CCDC63: variants seen among roughly 807,000 people sequenced by gnomAD.
CCDC63 encodes coiled-coil domain containing 63, also known as coiled-coil domain-containing protein 63.
CCDC63 carries 54 observed loss-of-function variants against 63.6 expected under a neutral mutation model. The ratio of observed to expected loss-of-function variants is 0.85; its 90% CI spans 0.68 to 1.07. The LOEUF (loss-of-function observed/expected upper bound fraction) is 1.07, where lower values mean the gene tolerates loss of function less well. Ranked by LOEUF, CCDC63 falls within the 50% of genes least tolerant of loss-of-function variation. CCDC63 has a pLI of 0.00. For missense variants in CCDC63, 637 were observed against 689.6 expected, an observed-to-expected ratio of 0.92 and a Z score of 0.86; for synonymous variants, 253 against 266.1, an observed-to-expected ratio of 0.95 and a Z score of 0.48.
rs561128154 is a variant in CCDC63, at chr12:110,886,912, C to T, written c.1074+2662C>T. On this transcript the variant is annotated intron_variant, in intron 8 of 11. Coordinates refer to ENST00000308208, the MANE Select transcript of CCDC63 (RefSeq NM_152591.3). ...TCTTCCCCAGAAATGACCTTGACCT[C>T]ACATTCACCTTGAGGCTGCTCTCAT... Among the ~76,000 whole-genome samples, 3 of 152,292 alleles carry T rather than the reference C, an allele frequency of 2.0e-5. No individual in the cohort carries two copies. In the South Asian group the frequency reaches 6.2e-4, roughly 32 times the overall value.
intron 4 of CCDC63, among the ~76,000 whole-genome samples, chr12:110,869,716 G>A (rs2071038723): frequency 6.6e-6 from 1 of 151,998 alleles, no homozygotes; most frequent in Admixed American, 6.6e-5. Context: ...GCATTACGAG[G>A]GTATAGAGAG....
At chr12:110,859,844 G>A (rs1175631832) in intron 4 of CCDC63, among the ~76,000 whole-genome samples, 3 of 152,078 alleles carry the variant, frequency 2.0e-5, no homozygotes, top group Admixed American at 1.3e-4. Flanking sequence ...AAGGCCCTGC[G>A]TGATCTAGCC....
At position 110,875,577 on chromosome 12, in the gene CCDC63, G is replaced by A. The variant is rs551998548; in HGVS notation, c.489+1616G>A. The stretch of plus-strand genomic sequence containing the variant: ...TCTATTCAGATGTTCTATTCTTCTC[G>A]AGTCAATTTCAGTAGTTTATGTCTT... On this transcript the variant is annotated intron_variant, in intron 5 of 11. Transcript: ENST00000308208. 5.9e-5 allele frequency among the ~76,000 whole-genome samples: 9 copies of A among 151,974 alleles called. No homozygotes were observed. In the South Asian group the frequency reaches 1.7e-3, roughly 28 times the overall value.
intron 6 of CCDC63, 91 bp downstream of exon 6, chr12:110,880,178 C>T (rs550095423): frequency 4.5e-6 from 5 of 1,113,788 alleles, no homozygotes; most frequent in Middle Eastern, 3.0e-4. Context: ...TGTCCCTGGT[C>T]GTTATGTGTT....
chr12:110,862,115 A>G (rs549021488), intron 4 of CCDC63, among the ~76,000 whole-genome samples: 21 of 152,322 alleles, frequency 1.4e-4, no homozygotes, highest in African/African-American at 5.1e-4. Context: ...GAATGAATAA[A>G]TGACTGAAAG....
chr12:110,865,027 A>G (rs986750829), intron 4 of CCDC63, among the ~76,000 whole-genome samples: 2 of 152,198 alleles, frequency 1.3e-5, no homozygotes, highest in African/African-American at 4.8e-5. Flanking sequence ...TTTAGGAATG[A>G]GAAGACTTTT....
intron 2 of CCDC63, 132 bp from the exon 3 acceptor site, chr12:110,853,273 C>A: frequency 1.1e-6 from 1 of 878,668 alleles, no homozygotes; most frequent in Non-Finnish European, 1.7e-6. Context: ...CAGCTGACAT[C>A]ACCCAAGGGA....
At chr12:110,851,273 C>G (rs1259475375) in intron 1 of CCDC63, among the ~76,000 whole-genome samples, 1 of 152,028 alleles carries the variant, frequency 6.6e-6, no homozygotes, top group African/African-American at 2.4e-5. Flanking sequence ...GGATGATGTT[C>G]TCAAGCCTCA....
chr12:110,887,744 G>A (rs1166773843), intron 8 of CCDC63, among the ~76,000 whole-genome samples: 1 of 151,154 alleles, frequency 6.6e-6, no homozygotes, highest in Admixed American at 6.6e-5. Context: ...GACTACAGGC[G>A]CGCGCCACCA....
intron 8 of CCDC63, among the ~76,000 whole-genome samples, chr12:110,890,286 G>C (rs187885294): frequency 2.0e-5 from 3 of 151,098 alleles, no homozygotes; most frequent in East Asian, 3.9e-4. Flanking sequence ...CTGGGCAAGA[G>C]AGCAAGACCC....
chr12:110,880,215 A>G (rs2071181669), intron 6 of CCDC63, 128 bp downstream of exon 6: 1 of 786,554 alleles, frequency 1.3e-6, no homozygotes, highest in South Asian at 1.7e-5. Flanking sequence ...TAGTAGTAAT[A>G]ATTCTGAGCA....
chr12:110,872,710 C>T (rs1402371364), intron 4 of CCDC63, among the ~76,000 whole-genome samples: 2 of 152,112 alleles, frequency 1.3e-5, no homozygotes, highest in African/African-American at 4.8e-5. Context: ...ACTGCAGCTT[C>T]GACCTCCTAG....
At chr12:110,851,410 CAA>C (rs1160116987) in intron 1 of CCDC63, among the ~76,000 whole-genome samples, 1 of 152,184 alleles carries the variant, frequency 6.6e-6, no homozygotes, top group Non-Finnish European at 1.5e-5. Context: ...CAGCAGGAAA[CAA>C]AGTCTCTCTC....
rs533529660 is a variant in CCDC63, at chr12:110,854,504, A to G, written c.179+930A>G. The stretch of plus-strand genomic sequence containing the variant: ...GAGGCAAGATTTCACCACGTTGGCC[A>G]GGCTGGTCTCAAACTCCTGTCCTCA... On this transcript the variant is annotated intron_variant, in intron 3 of 11. Coordinates refer to ENST00000308208, the MANE Select transcript of CCDC63 (RefSeq NM_152591.3). Among the ~76,000 whole-genome samples, 37 of 152,144 alleles carry G rather than the reference A, an allele frequency of 2.4e-4. No individual in the cohort carries two copies. In the East Asian group the frequency reaches 6.2e-3, roughly 26 times the overall value.
chr12:110,868,496 G>A (rs1478990880), intron 4 of CCDC63, among the ~76,000 whole-genome samples: 1 of 150,080 alleles, frequency 6.7e-6, no homozygotes, highest in Non-Finnish European at 1.5e-5. Context: ...TCGGGAGGCC[G>A]AGGTTGGCGG....
intron 9 of CCDC63, among the ~76,000 whole-genome samples, chr12:110,895,830 A>T (rs1300433981): frequency 1.3e-5 from 2 of 152,182 alleles, no homozygotes; most frequent in African/African-American, 4.8e-5. Context: ...AGCCAGAAAA[A>T]CTGGTAAGTC....
rs879759807 is a variant in CCDC63, at chr12:110,890,302, C to CA, written c.1075-2761dup. On this transcript the variant is annotated intron_variant, in intron 8 of 11. Transcript: ENST00000308208. The stretch of plus-strand genomic sequence containing the variant: ...TGGGCAAGAGAGCAAGACCCTGTCT[C>CA]AAAAAAAAAAAAATTTAAAAATTAA... 2.7e-3 allele frequency among the ~76,000 whole-genome samples: 365 copies of CA among 132,838 alleles called. 1 individual carries two copies. The highest frequency in any genetic ancestry group is 4.7e-3 in the Admixed American group (62 of 13,094). 87.1% of individuals were successfully genotyped at this position (132,838 alleles called of 152,430 possible).
intron 7 of CCDC63, 109 bp downstream of exon 7, chr12:110,881,405 T>C: frequency 8.7e-7 from 1 of 1,145,852 alleles, no homozygotes. Flanking sequence ...GGTTGTCAAA[T>C]TTAGCAAATA....
intron 3 of CCDC63, among the ~76,000 whole-genome samples, chr12:110,857,054 C>T (rs554772293): frequency 1.3e-5 from 2 of 152,196 alleles, no homozygotes; most frequent in Admixed American, 6.5e-5. Context: ...ATCCTTCTGC[C>T]TCGGCCTCCC....
Sources: gnomAD v4.1 joint callset for allele counts (sites outside exome capture counted in the v4.1 genomes callset) on GRCh38, gnomAD v4.1.1 for gene constraint, MANE v1.5 for transcripts, NCBI Gene and HGNC (gene_info 2026-07-23, HGNC 2026-07-21) for gene names.